Variants in C12orf56 observed in about 807,000 individuals in gnomAD.
The protein encoded by C12orf56 is chromosome 12 open reading frame 56.
Under a neutral mutation model 69.9 loss-of-function variants are expected in C12orf56, and 71 were observed. The ratio of observed to expected loss-of-function variants is 1.02; its 90% CI spans 0.84 to 1.24. C12orf56 has a LOEUF of 1.24. C12orf56 is among the 50% of genes most tolerant of loss of function. C12orf56 has a pLI of 0.00. For missense variants in C12orf56, 732 were observed against 738.5 expected (o/e 0.99, Z 0.10); for synonymous variants, 276 against 274.1 (o/e 1.01, Z -0.07).
At chr12:64,332,558 C>T (rs1181949289) in intron 2 of C12orf56, among the ~76,000 whole-genome samples, 2 of 152,264 alleles carry the variant, frequency 1.3e-5, no homozygotes, top group East Asian at 3.9e-4. Context: ...GTCCTGATTT[C>T]TTTGGAGTGC....
chr12:64,297,220 T>C (rs925317053), intron 6 of C12orf56, among the ~76,000 whole-genome samples: 1 of 152,186 alleles, frequency 6.6e-6, no homozygotes, highest in East Asian at 1.9e-4. Context: ...TTGACTTTTA[T>C]TAGTCATATA....
chr12:64,336,332 A>C (rs996659388), intron 2 of C12orf56, among the ~76,000 whole-genome samples: 1 of 152,178 alleles, frequency 6.6e-6, no homozygotes, highest in Non-Finnish European at 1.5e-5. Flanking sequence ...TATTCTATGA[A>C]TAGCCCTGCA....
chr12:64,324,301 G>A (rs2038810202), intron 3 of C12orf56, among the ~76,000 whole-genome samples: 1 of 152,164 alleles, frequency 6.6e-6, no homozygotes, highest in South Asian at 2.1e-4. Context: ...CATTCTAGTG[G>A]GAAGACAGAC....
intron 7 of C12orf56, 31 bp downstream of exon 7, chr12:64,285,923 A>AG: frequency 6.8e-7 from 1 of 1,465,596 alleles, no homozygotes; most frequent in Non-Finnish European, 9.3e-7. Flanking sequence ...GCAAAAAAAA[A>AG]AAAATCGATG....
At chr12:64,376,322 G>A (rs569394227) in intron 1 of C12orf56, among the ~76,000 whole-genome samples, 3 of 152,242 alleles carry the variant, frequency 2.0e-5, no homozygotes, top group South Asian at 2.1e-4. Flanking sequence ...CCAAGAGTTC[G>A]TTGGGCCCCA....
At position 64,366,115 on chromosome 12, in the gene C12orf56, A is replaced by G. The variant is rs184661657; in HGVS notation, c.253-13059T>C. On this transcript the variant is annotated intron_variant, in intron 1 of 12. Coordinates refer to ENST00000543942, the MANE Select transcript of C12orf56 (RefSeq NM_001170633.2). ...ATAGTTTATATATTATATATAATAT[A>G]TAGCTTGTATAATATATAGTTTATA... 6.4e-3 allele frequency among the ~76,000 whole-genome samples: 812 copies of G among 127,774 alleles called. 13 individuals carry two copies. Among genetic ancestry groups the G allele is most frequent in the African/African-American group, 0.023 (751 of 32,096 alleles). The allele number at this position is 127,774 out of a possible 152,430, so 83.8% of individuals were successfully genotyped here.
At chr12:64,302,010 T>A (rs1026627355) in intron 6 of C12orf56, among the ~76,000 whole-genome samples, 1 of 152,172 alleles carries the variant, frequency 6.6e-6, no homozygotes, top group African/African-American at 2.4e-5. Flanking sequence ...GAACAAGCAA[T>A]CCCATACAAT....
At chr12:64,348,930 T>C (rs1307192071) in intron 2 of C12orf56, among the ~76,000 whole-genome samples, 1 of 152,182 alleles carries the variant, frequency 6.6e-6, no homozygotes, top group Non-Finnish European at 1.5e-5. Context: ...AGCTGAATTG[T>C]CCACAAATAT....
chr12:64,370,836 T>G (rs1403239212), intron 1 of C12orf56, among the ~76,000 whole-genome samples: 1 of 151,900 alleles, frequency 6.6e-6, no homozygotes, highest in Non-Finnish European at 1.5e-5. Context: ...AACAGACATA[T>G]AGACCATTGG....
chr12:64,339,118 C>A (rs951894521), intron 2 of C12orf56, among the ~76,000 whole-genome samples: 1 of 152,152 alleles, frequency 6.6e-6, no homozygotes, highest in Admixed American at 6.5e-5. Context: ...AGCACTCAGG[C>A]CTGTCGGCTT....
At chr12:64,352,840 A>G in intron 2 of C12orf56, 54 bp downstream of exon 2, 2 of 1,440,620 alleles carry the variant, frequency 1.4e-6, no homozygotes, top group Non-Finnish European at 1.9e-6. Flanking sequence ...TAAGAAATAT[A>G]TATATATACT....
At chr12:64,325,281 A>T (rs1367519584) in intron 3 of C12orf56, among the ~76,000 whole-genome samples, 1 of 151,828 alleles carries the variant, frequency 6.6e-6, no homozygotes, top group East Asian at 1.9e-4. Flanking sequence ...CTGTAATCCC[A>T]GCTACCTAGG....
intron 8 of C12orf56, among the ~76,000 whole-genome samples, chr12:64,279,423 T>C (rs1021268653): frequency 2.0e-5 from 3 of 152,326 alleles, no homozygotes; most frequent in Middle Eastern, 6.8e-3. Context: ...AAAAACTCAG[T>C]TGCCTAATTG....
chr12:64,269,297 G>T lies in C12orf56; in HGVS notation c.1763+1239C>A, dbSNP rs73327122. Among the ~76,000 whole-genome samples the T allele has an allele frequency of 1.4e-3, 209 of 152,214 alleles. 3 individuals carry two copies. Among genetic ancestry groups the T allele is most frequent in the African/African-American group, 4.7e-3 (194 of 41,536 alleles). ...TTTCATCTTAAGTCAGAGACAACCT[G>T]GGTTTTCTCCTTAATGGGTGCTATG... is the stretch of plus-strand genomic sequence containing the variant. On this transcript the variant is annotated intron_variant, in intron 12 of 12. Coordinates refer to ENST00000543942, the MANE Select transcript of C12orf56 (RefSeq NM_001170633.2).
intron 1 of C12orf56, among the ~76,000 whole-genome samples, chr12:64,385,819 G>A (rs184656906): frequency 6.6e-6 from 1 of 152,068 alleles, no homozygotes; most frequent in Admixed American, 6.6e-5. Context: ...AGCCTGCTCT[G>A]CATAAATTAC....
chr12:64,351,072 G>C (rs2039216136), intron 2 of C12orf56, among the ~76,000 whole-genome samples: 1 of 152,158 alleles, frequency 6.6e-6, no homozygotes, highest in African/African-American at 2.4e-5. Flanking sequence ...AACAAAAGTG[G>C]ATGGGTAATG....
chr12:64,312,804 A>G (rs2038637763), intron 4 of C12orf56, 52 bp from the exon 5 acceptor site: 1 of 1,284,496 alleles, frequency 7.8e-7, no homozygotes, highest in East Asian at 2.5e-5. Context: ...CTGAAGATCA[A>G]TTCCCCCTAC....
intron 11 of C12orf56, among the ~76,000 whole-genome samples, 157 bp downstream of exon 11, chr12:64,274,744 T>C (rs2038028888): frequency 6.6e-6 from 1 of 152,232 alleles, no homozygotes; most frequent in African/African-American, 2.4e-5. Context: ...GTAAAAACGA[T>C]TTATCAATTA....
intron 1 of C12orf56, among the ~76,000 whole-genome samples, chr12:64,353,744 C>T (rs1372215346): frequency 6.6e-6 from 1 of 152,074 alleles, no homozygotes; most frequent in Non-Finnish European, 1.5e-5. Flanking sequence ...TGCAATGGCA[C>T]AATCTCCGCT....
Sources: gnomAD v4.1 joint callset for allele counts (sites outside exome capture counted in the v4.1 genomes callset) on GRCh38, gnomAD v4.1.1 for gene constraint, MANE v1.5 for transcripts, NCBI Gene and HGNC (gene_info 2026-07-23, HGNC 2026-07-21) for gene names.